Variants in GNA12 observed in about 807,000 individuals in gnomAD.
GNA12 encodes G protein subunit alpha 12.
Under a neutral mutation model 26.0 loss-of-function variants are expected in GNA12, and 9 were observed. That is an observed-to-expected ratio of 0.35 (90% CI 0.21 to 0.60). GNA12 has a LOEUF of 0.60. Ranked by LOEUF, GNA12 falls within the 20% of genes least tolerant of loss-of-function variation. The pLI, the probability that GNA12 is intolerant of heterozygous loss-of-function variation, is 0.78. For missense variants in GNA12, 405 were observed against 525.8 expected (o/e 0.77, Z 2.25); for synonymous variants, 264 against 219.6 (o/e 1.20, Z -1.79).
chr7:2,835,212 T>C (rs1372745877), intron 1 of GNA12, among the ~76,000 whole-genome samples: 1 of 152,188 alleles, frequency 6.6e-6, no homozygotes, highest in Non-Finnish European at 1.5e-5. Flanking sequence ...GAGATAAATC[T>C]AAGCTGGCCT....
At chr7:2,752,140 T>G (rs1048522291) in intron 2 of GNA12, among the ~76,000 whole-genome samples, 2 of 151,812 alleles carry the variant, frequency 1.3e-5, no homozygotes, top group African/African-American at 4.8e-5. Flanking sequence ...AAAATGTCAA[T>G]AGAAGACAGC....
chr7:2,814,157 TGG>T (rs745478188), intron 1 of GNA12, among the ~76,000 whole-genome samples: 1 of 152,094 alleles, frequency 6.6e-6, no homozygotes, highest in Non-Finnish European at 1.5e-5. Flanking sequence ...ACACAGAACA[TGG>T]GACTTCTCAG....
chr7:2,805,427 A>C (rs1166137151), intron 1 of GNA12, among the ~76,000 whole-genome samples: 1 of 152,198 alleles, frequency 6.6e-6, no homozygotes, highest in Non-Finnish European at 1.5e-5. Context: ...TTGTAGAGAC[A>C]GGGTCACACT....
chr7:2,779,134 G>T (rs1232564346), intron 2 of GNA12, among the ~76,000 whole-genome samples: 1 of 152,156 alleles, frequency 6.6e-6, no homozygotes, highest in South Asian at 2.1e-4. Context: ...CAAGGCGGGT[G>T]AATCACTTGA....
intron 2 of GNA12, among the ~76,000 whole-genome samples, chr7:2,786,349 A>G (rs905453896): frequency 2.6e-5 from 4 of 152,210 alleles, no homozygotes; most frequent in African/African-American, 9.7e-5. Context: ...GTTGGAAAAA[A>G]CGGGCGCCTG....
At chr7:2,757,806 C>A (rs115187003) in intron 2 of GNA12, among the ~76,000 whole-genome samples, 3 of 152,196 alleles carry the variant, frequency 2.0e-5, no homozygotes, top group Non-Finnish European at 2.9e-5. Flanking sequence ...TTAGTACGTA[C>A]TGAACGCTTG....
At chr7:2,785,892 C>A (rs776700539) in intron 2 of GNA12, among the ~76,000 whole-genome samples, 46 of 151,986 alleles carry the variant, frequency 3.0e-4, no homozygotes, top group Non-Finnish European at 5.9e-4. Context: ...ACTAAAAATA[C>A]GAAAAATAAA....
rs555737182 is a variant in GNA12, at chr7:2,843,477, T to C, written c.309+376A>G. ...CTGGGCAACACAGCAAGACCCCATC[T>C]CTACAAAAAAAAACTTAAAAATTAG... On this transcript the variant is annotated intron_variant, in intron 1 of 3. Coordinates refer to ENST00000275364, the MANE Select transcript of GNA12 (RefSeq NM_007353.3). Among the ~76,000 whole-genome samples the C allele has an allele frequency of 8.6e-5, 13 of 151,758 alleles. No individual in the cohort carries two copies. The South Asian group carries it at 2.5e-3, about 29-fold the overall frequency.
chr7:2,795,271 AGTCT>A, intron 1 of GNA12, 128 bp from the exon 2 acceptor site: 1 of 702,726 alleles, frequency 1.4e-6, no homozygotes, highest in South Asian at 1.7e-5. Context: ...GTGCAGCCTG[AGTCT>A]GTCTCTTGGT....
rs189065903 is a variant in GNA12, at chr7:2,744,173, T to C, written c.526-10672A>G. Among the ~76,000 whole-genome samples, 639 of 152,324 alleles carry C rather than the reference T, an allele frequency of 4.2e-3. 6 individuals are homozygous for C. Among genetic ancestry groups the C allele is most frequent in the Non-Finnish European group, 6.2e-3 (422 of 68,032 alleles). ...CGTCTGACAGCTTTGAAGAGAGTAG[T>C]GGTTCTCCCAGCACGCAGCTGGAGA... On this transcript the variant is annotated intron_variant, in intron 2 of 3. Transcript: ENST00000275364.
At chr7:2,836,439 G>T (rs1036854958) in intron 1 of GNA12, among the ~76,000 whole-genome samples, 1 of 152,206 alleles carries the variant, frequency 6.6e-6, no homozygotes, top group Non-Finnish European at 1.5e-5. Flanking sequence ...GGATGACAAG[G>T]CAGTGAGTTC....
intron 1 of GNA12, among the ~76,000 whole-genome samples, chr7:2,841,633 C>T (rs1299144732): frequency 6.6e-6 from 1 of 152,094 alleles, no homozygotes; most frequent in Non-Finnish European, 1.5e-5. Context: ...TTCTTCCCTT[C>T]ACAATCCTAA....
At chr7:2,757,760 T>A (rs148681956) in intron 2 of GNA12, among the ~76,000 whole-genome samples, 18 of 152,334 alleles carry the variant, frequency 1.2e-4, no homozygotes, top group Admixed American at 8.5e-4. Flanking sequence ...AATGTCATCT[T>A]CCCTGCACAT....
At position 2,746,444 on chromosome 7, in the gene GNA12, G is replaced by T. The variant is rs568521190; in HGVS notation, c.526-12943C>A. On this transcript the variant is annotated intron_variant, in intron 2 of 3. Transcript: ENST00000275364. ...CTGGGTACATAATGAAATGAAGGCA[G>T]AAATAAAGATGTTCTTTGAAACCAA... Among the ~76,000 whole-genome samples the T allele has an allele frequency of 9.4e-3, 1,430 of 152,258 alleles. 19 individuals carry two copies. Among genetic ancestry groups the T allele is most frequent in the African/African-American group, 0.033 (1,359 of 41,520 alleles).
intron 2 of GNA12, among the ~76,000 whole-genome samples, chr7:2,780,742 T>G (rs1219080251): frequency 1.3e-5 from 2 of 152,242 alleles, no homozygotes. Context: ...TCTGCTCATT[T>G]TTCCTGCAGC....
intron 2 of GNA12, among the ~76,000 whole-genome samples, chr7:2,747,065 T>A (rs1790799866): frequency 6.6e-6 from 1 of 152,130 alleles, no homozygotes; most frequent in African/African-American, 2.4e-5. Context: ...AGCAGATGGA[T>A]TCAACAGCCG....
intron 1 of GNA12, among the ~76,000 whole-genome samples, chr7:2,798,267 A>G (rs1792727361): frequency 1.3e-5 from 2 of 152,244 alleles, no homozygotes; most frequent in Non-Finnish European, 2.9e-5. Context: ...TAAAAAGATG[A>G]TCTATGTTGA....
rs2266924 is a variant in GNA12 at position 2,822,121 on chromosome 7, G to C, written c.309+21732C>G. Reference sequence around the variant, plus strand: ...TAACAAACCTAGCTAAAAAACGTTAGAATGTGCTTAGCCTTCCCATTCTCT... The same window carrying C: ...TAACAAACCTAGCTAAAAAACGTTACAATGTGCTTAGCCTTCCCATTCTCT... On this transcript the variant is annotated intron_variant, in intron 1 of 3. Coordinates refer to ENST00000275364, the MANE Select transcript of GNA12 (RefSeq NM_007353.3). 2.3e-3 allele frequency among the ~76,000 whole-genome samples: 347 copies of C among 152,330 alleles called. 6 individuals are homozygous for C. The East Asian group carries it at 0.052, about 23-fold the overall frequency.
chr7:2,752,031 G>A (rs924359606), intron 2 of GNA12, among the ~76,000 whole-genome samples: 3 of 151,972 alleles, frequency 2.0e-5, no homozygotes, highest in East Asian at 1.9e-4. Flanking sequence ...TACCCACACC[G>A]ACAAGATTAT....
Sources: allele counts gnomAD v4.1 joint callset (sites outside exome capture counted in the v4.1 genomes callset), GRCh38; gene constraint gnomAD v4.1.1; transcripts MANE v1.5; gene names NCBI Gene and HGNC (gene_info 2026-07-23, HGNC 2026-07-21).